XIRP2: variants seen among roughly 807,000 people sequenced by gnomAD.
XIRP2 encodes xin actin binding repeat containing 2.
Under a neutral mutation model 277.0 loss-of-function variants are expected in XIRP2, and 236 were observed. That is an observed-to-expected ratio of 0.85 (90% confidence interval 0.77 to 0.95). The LOEUF is 0.95. Ranked by LOEUF, XIRP2 falls within the 40% of genes least tolerant of loss-of-function variation. XIRP2 has a pLI of 0.00. For missense variants in XIRP2, 4,640 were observed against 4,157.5 expected (o/e 1.12, Z -3.19); for synonymous variants, 1,490 against 1,416.5 (o/e 1.05, Z -1.17).
intron 2 of XIRP2, among the ~76,000 whole-genome samples, chr2:167,016,814 T>C (rs1307875091): frequency 2.0e-5 from 3 of 151,876 alleles, no homozygotes; most frequent in Non-Finnish European, 4.4e-5. Context: ...TTCAAGCAAA[T>C]TTTTACCAAG....
chr2:167,127,509 C>T (rs569936516), intron 2 of XIRP2, among the ~76,000 whole-genome samples: 3 of 152,232 alleles, frequency 2.0e-5, no homozygotes, highest in African/African-American at 7.2e-5. Flanking sequence ...TCTTTGTTTG[C>T]CCCCCAAATG....
intron 2 of XIRP2, among the ~76,000 whole-genome samples, chr2:167,043,905 CA>C (rs1306907605): frequency 6.6e-6 from 1 of 151,508 alleles, no homozygotes; most frequent in African/African-American, 2.4e-5. Flanking sequence ...GTGAGGATAA[CA>C]AAATTATCCT....
chr2:167,104,396 A>T (rs1690563059), intron 2 of XIRP2, among the ~76,000 whole-genome samples: 1 of 152,102 alleles, frequency 6.6e-6, no homozygotes, highest in Non-Finnish European at 1.5e-5. Context: ...ATCCCCCAAA[A>T]TAACCATTAT....
At chr2:167,002,066 A>T (rs1007381437) in intron 2 of XIRP2, among the ~76,000 whole-genome samples, 4 of 152,088 alleles carry the variant, frequency 2.6e-5, no homozygotes, top group African/African-American at 9.7e-5. Context: ...AAATTACATG[A>T]TTTCTTAGAG....
intron 2 of XIRP2, among the ~76,000 whole-genome samples, chr2:166,983,039 G>A (rs903620407): frequency 2.0e-5 from 3 of 152,106 alleles, no homozygotes; most frequent in Non-Finnish European, 2.9e-5. Context: ...CCTTCAGTTA[G>A]GTGGCTTTTG....
chr2:167,185,973 T>A (rs1028134646), intron 3 of XIRP2, among the ~76,000 whole-genome samples: 4 of 152,280 alleles, frequency 2.6e-5, no homozygotes, highest in African/African-American at 9.6e-5. Flanking sequence ...TATGTTGAAA[T>A]TCTGTGATTT....
Position 167,246,982 on chromosome 2 carries a change from A to T in XIRP2, c.5590A>T (p.Ile1864Leu). 6.2e-7 allele frequency: 1 copy of T among 1,613,696 alleles called. No individual in the cohort carries two copies. Residue 1864 changes from isoleucine (I) to leucine (L), a missense_variant, in exon 9 of 11, where the codon ATA (isoleucine) becomes TTA (leucine). Transcript: ENST00000409195. Reference sequence around the variant, plus strand: ...AACAGTGACGAAAACAGAAGAAATTATAAAAGGTAACATGCTAGCCACACT... The same window carrying T: ...AACAGTGACGAAAACAGAAGAAATTTTAAAAGGTAACATGCTAGCCACACT... ...QKTVTKTEEI[I>L]KGNMLATLKS...
intron 2 of XIRP2, among the ~76,000 whole-genome samples, chr2:167,024,616 G>C (rs1688094838): frequency 1.3e-5 from 2 of 152,094 alleles, no homozygotes; most frequent in Admixed American, 6.6e-5. Context: ...TTATTATTTT[G>C]AGATACATCC....
intron 3 of XIRP2, among the ~76,000 whole-genome samples, chr2:167,197,846 T>C (rs1235334897): frequency 6.6e-6 from 1 of 152,202 alleles, no homozygotes; most frequent in African/African-American, 2.4e-5. Flanking sequence ...AAGATTTCTG[T>C]TTGCAAGTGT....
intron 2 of XIRP2, among the ~76,000 whole-genome samples, chr2:166,951,592 G>A (rs1029593328): frequency 6.6e-6 from 1 of 151,956 alleles, no homozygotes; most frequent in African/African-American, 2.4e-5. Flanking sequence ...AGAAAAAAAA[G>A]TTGGCAATCT....
intron 2 of XIRP2, among the ~76,000 whole-genome samples, chr2:166,909,781 G>T (rs1161399669): frequency 1.3e-5 from 2 of 152,154 alleles, no homozygotes. Context: ...ATTATTTTGA[G>T]ATACATCCCA....
At chr2:167,084,254 C>T (rs920615300) in intron 2 of XIRP2, among the ~76,000 whole-genome samples, 53 of 152,146 alleles carry the variant, frequency 3.5e-4, no homozygotes, top group African/African-American at 8.9e-4. Context: ...TATTGATTTG[C>T]GTATATTGAA....
At position 167,231,610 on chromosome 2, in the gene XIRP2, C is replaced by A. The variant is rs567714680; in HGVS notation, c.859-8245C>A. Among the ~76,000 whole-genome samples, 3 of 151,844 alleles carry A rather than the reference C, an allele frequency of 2.0e-5. No individual in the cohort carries two copies. In the South Asian group the frequency reaches 6.2e-4, roughly 32 times the overall value. The stretch of plus-strand genomic sequence containing the variant: ...TCAAAACCATTTTCTATTCTACCAC[C>A]CAATGAGGTCGAACCAGCCACCACT... On this transcript the variant is annotated intron_variant, in intron 5 of 10. Coordinates refer to ENST00000409195, the MANE Select transcript of XIRP2 (RefSeq NM_152381.6).
chr2:167,057,407 A>T (rs1558964255), intron 2 of XIRP2, among the ~76,000 whole-genome samples: 3 of 152,144 alleles, frequency 2.0e-5, no homozygotes. Flanking sequence ...TGGAACCAGG[A>T]TAGGAGAAGA....
intron 7 of XIRP2, 118 bp from the exon 8 acceptor site, chr2:167,241,659 C>T: frequency 2.5e-6 from 3 of 1,195,532 alleles, no homozygotes; most frequent in Non-Finnish European, 3.4e-6. Context: ...ATCTTCGCAC[C>T]TCAGTCTCCC....
rs770107977 is a variant in XIRP2 at position 167,244,295 on chromosome 2, T to A, written c.2903T>A (p.Val968Glu). 1 of 1,613,708 alleles carries A rather than the reference T, an allele frequency of 6.2e-7. No homozygotes were observed. Among genetic ancestry groups the A allele is most frequent in the South Asian group, 1.1e-5 (1 of 91,054 alleles). ...IKFDASHKIE[V>E]EGVTRGAVEL... ...TTTGATGCATCACATAAAATAGAGG[T>A]GGAAGGAGTTACAAGAGGTGCTGTA... Residue 968 changes from valine to glutamate, a missense_variant, in exon 9 of 11, where the codon GTG becomes GAG. Coordinates refer to ENST00000409195, the MANE Select transcript of XIRP2 (RefSeq NM_152381.6).
intron 2 of XIRP2, among the ~76,000 whole-genome samples, chr2:167,112,234 GTTC>G (rs144586935): frequency 0.016 from 2,431 of 151,900 alleles, 77 homozygotes; most frequent in African/African-American, 0.056. Context: ...TGCTTCTCTA[GTTC>G]TTCTTCTTGT....
intron 2 of XIRP2, among the ~76,000 whole-genome samples, chr2:167,015,924 T>A (rs1285980489): frequency 6.6e-6 from 1 of 151,656 alleles, no homozygotes; most frequent in Admixed American, 6.6e-5. Context: ...AGTTACCATA[T>A]CTTTGTCTCT....
intron 3 of XIRP2, among the ~76,000 whole-genome samples, chr2:167,182,655 G>A (rs1205465273): frequency 6.6e-6 from 1 of 152,118 alleles, no homozygotes; most frequent in African/African-American, 2.4e-5. Flanking sequence ...CCTTGGAGAA[G>A]TTATTTAACT....
Sources: gnomAD v4.1 joint callset for allele counts (sites outside exome capture counted in the v4.1 genomes callset) on GRCh38, gnomAD v4.1.1 for gene constraint, MANE v1.5 for transcripts, NCBI Gene and HGNC (gene_info 2026-07-23, HGNC 2026-07-21) for gene names.